Variants in DLG2 observed in about 807,000 individuals in gnomAD.
The protein encoded by DLG2 is discs large MAGUK scaffold protein 2.
Under a neutral mutation model 132.5 loss-of-function variants are expected in DLG2, and 45 were observed. That is an observed-to-expected ratio of 0.34 (90% confidence interval 0.27 to 0.44). The LOEUF is 0.44. DLG2 is among the 20% of genes least tolerant of loss of function. DLG2 has a pLI of 1.00. For missense variants in DLG2, 1,045 were observed against 1,196.9 expected, an observed-to-expected ratio of 0.87 and a Z score of 1.87; for synonymous variants, 424 against 419.6, an observed-to-expected ratio of 1.01 and a Z score of -0.13.
chr11:84,123,835 A>G (rs2094036085), intron 9 of DLG2, among the ~76,000 whole-genome samples: 1 of 152,198 alleles, frequency 6.6e-6, no homozygotes, highest in South Asian at 2.1e-4. Context: ...TTACCACATC[A>G]GAAATATAGG....
At chr11:85,560,174 A>T (rs1268292906) in intron 3 of DLG2, among the ~76,000 whole-genome samples, 1 of 151,840 alleles carries the variant, frequency 6.6e-6, no homozygotes. Flanking sequence ...ATAATTTGGC[A>T]GTTCTTGAAA....
At chr11:83,896,857 A>G (rs2071864742) in intron 15 of DLG2, among the ~76,000 whole-genome samples, 1 of 152,216 alleles carries the variant, frequency 6.6e-6, no homozygotes, top group African/African-American at 2.4e-5. Context: ...ATGATGTGAA[A>G]TTATGTATAA....
chr11:83,498,775 T>C (rs955685514), intron 21 of DLG2, among the ~76,000 whole-genome samples: 3 of 55,240 alleles, frequency 5.4e-5, no homozygotes, highest in African/African-American at 2.0e-4. Flanking sequence ...AAGAAAAATC[T>C]TTTTTTTTTT....
intron 7 of DLG2, among the ~76,000 whole-genome samples, chr11:84,487,330 C>T (rs2099153634): frequency 6.6e-6 from 1 of 151,902 alleles, no homozygotes; most frequent in Non-Finnish European, 1.5e-5. Context: ...CAGTGCCTAG[C>T]TTAAATAAAA....
At chr11:83,691,502 G>T (rs2080992489) in intron 18 of DLG2, among the ~76,000 whole-genome samples, 1 of 152,156 alleles carries the variant, frequency 6.6e-6, no homozygotes, top group Non-Finnish European at 1.5e-5. Flanking sequence ...GTCTCTGGCT[G>T]AGCTGAAAGT....
chr11:84,853,583 C>G (rs993442083), intron 6 of DLG2, among the ~76,000 whole-genome samples: 2 of 151,978 alleles, frequency 1.3e-5, no homozygotes, highest in Admixed American at 6.6e-5. Flanking sequence ...TTAGTGCCTA[C>G]CCTGCATCGA....
At chr11:84,631,782 A>G (rs1452042076) in intron 6 of DLG2, among the ~76,000 whole-genome samples, 1 of 152,196 alleles carries the variant, frequency 6.6e-6, no homozygotes, top group Non-Finnish European at 1.5e-5. Context: ...ATTTCAGGTA[A>G]CATGAAATAG....
At chr11:84,396,514 A>T (rs949972095) in intron 7 of DLG2, among the ~76,000 whole-genome samples, 1 of 152,242 alleles carries the variant, frequency 6.6e-6, no homozygotes, top group African/African-American at 2.4e-5. Context: ...CTTCTACTCA[A>T]TTGTGACAAA....
At chr11:84,362,990 A>G (rs2098659232) in intron 7 of DLG2, among the ~76,000 whole-genome samples, 1 of 151,926 alleles carries the variant, frequency 6.6e-6, no homozygotes, top group South Asian at 2.1e-4. Flanking sequence ...GTGTCTTTAT[A>G]GCAGCATGAT....
intron 5 of DLG2, among the ~76,000 whole-genome samples, chr11:85,133,731 C>A (rs534168970): frequency 1.3e-5 from 2 of 152,086 alleles, no homozygotes. Flanking sequence ...CTTTCCCAAA[C>A]TTTTCCCTCC....
intron 9 of DLG2, among the ~76,000 whole-genome samples, chr11:84,133,709 G>C (rs1416209540): frequency 6.6e-6 from 1 of 151,836 alleles, no homozygotes; most frequent in Non-Finnish European, 1.5e-5. Flanking sequence ...TTGAACTCCT[G>C]GGCTCAAGCA....
At chr11:85,158,288 T>G (rs2077741212) in intron 4 of DLG2, among the ~76,000 whole-genome samples, 1 of 152,216 alleles carries the variant, frequency 6.6e-6, no homozygotes, top group Admixed American at 6.5e-5. Context: ...GTAGGGACTC[T>G]GCATTTAATG....
intron 7 of DLG2, among the ~76,000 whole-genome samples, chr11:84,373,268 A>AAAAAAAAAAAAAAAAAAAAAAAAC (rs1567449347): frequency 5.9e-5 from 8 of 135,740 alleles, no homozygotes; most frequent in Non-Finnish European, 1.2e-4. Flanking sequence ...AAAAAAACAA[A>AAAAAAAAAAAAAAAAAAAAAAAAC]ACAAAAAAAA....
At chr11:85,348,179 G>T (rs1162829255) in intron 3 of DLG2, among the ~76,000 whole-genome samples, 3 of 149,462 alleles carry the variant, frequency 2.0e-5, no homozygotes, top group Admixed American at 6.6e-5. Context: ...TAGAGACAGG[G>T]TTTCACCATG....
intron 6 of DLG2, among the ~76,000 whole-genome samples, chr11:84,656,639 T>A (rs1244608661): frequency 6.6e-6 from 1 of 152,150 alleles, no homozygotes; most frequent in Non-Finnish European, 1.5e-5. Flanking sequence ...ATAGTTGAAT[T>A]TAAACAATCT....
At chr11:83,850,158 G>GTTT (rs1430673250) in intron 16 of DLG2, among the ~76,000 whole-genome samples, 32 of 127,862 alleles carry the variant, frequency 2.5e-4, no homozygotes, top group Admixed American at 1.1e-3. Flanking sequence ...GTGTGTGTGT[G>GTTT]TGTTTTTTTA....
chr11:83,852,720 C>T (rs780271918), intron 16 of DLG2, among the ~76,000 whole-genome samples: 3 of 152,112 alleles, frequency 2.0e-5, no homozygotes, highest in African/African-American at 7.2e-5. Flanking sequence ...AATGTTTTAC[C>T]AGCTACAAGT....
At chr11:84,940,378 C>T (rs1396142670) in intron 6 of DLG2, among the ~76,000 whole-genome samples, 1 of 152,210 alleles carries the variant, frequency 6.6e-6, no homozygotes, top group Non-Finnish European at 1.5e-5. Flanking sequence ...GTCTTGAACT[C>T]CTGACCTCAG....
At chr11:83,525,045 G>C (rs7109050) in intron 21 of DLG2, among the ~76,000 whole-genome samples, 11 of 152,122 alleles carry the variant, frequency 7.2e-5, no homozygotes, top group Non-Finnish European at 1.5e-4. Flanking sequence ...AAATACATAA[G>C]GAATGTAGTT....
Sources: allele counts gnomAD v4.1 joint callset (sites outside exome capture counted in the v4.1 genomes callset), GRCh38; gene constraint gnomAD v4.1.1; transcripts MANE v1.5; gene names NCBI Gene and HGNC (gene_info 2026-07-23, HGNC 2026-07-21).